The following CHCHD3 variants were observed in gnomAD, a reference collection of about 807,000 sequenced individuals.
CHCHD3 encodes the protein MICOS complex subunit MIC19.
A neutral mutation model predicts 38.2 loss-of-function variants in CHCHD3; 20 were observed. That is an observed-to-expected ratio of 0.52 (90% CI 0.37 to 0.76). The LOEUF (loss-of-function observed/expected upper bound fraction) is 0.76. CHCHD3 is among the 30% of genes least tolerant of loss of function. CHCHD3 has a pLI of 0.00. For synonymous variants in CHCHD3, 82 were observed against 100.0 expected (o/e 0.82, Z 1.07); for missense variants, 245 against 279.2 (o/e 0.88, Z 0.87).
chr7:132,937,905 A>C (rs983403508), intron 4 of CHCHD3, among the ~76,000 whole-genome samples: 1 of 152,204 alleles, frequency 6.6e-6, no homozygotes, highest in Non-Finnish European at 1.5e-5. Flanking sequence ...TTCATTTGTT[A>C]AAAGACATTT....
chr7:132,814,131 T>C (rs1807141635), intron 6 of CHCHD3, among the ~76,000 whole-genome samples: 1 of 152,180 alleles, frequency 6.6e-6, no homozygotes, highest in South Asian at 2.1e-4. Context: ...TCAAGAATAA[T>C]AAACCCACAC....
At chr7:132,823,861 G>A (rs187118049) in intron 6 of CHCHD3, among the ~76,000 whole-genome samples, 1 of 152,274 alleles carries the variant, frequency 6.6e-6, no homozygotes, top group East Asian at 1.9e-4. Context: ...TCATAGCTAG[G>A]AGTAATGAAA....
At chr7:133,075,845 G>A (rs940257104) in intron 1 of CHCHD3, among the ~76,000 whole-genome samples, 2 of 152,080 alleles carry the variant, frequency 1.3e-5, no homozygotes, top group African/African-American at 4.8e-5. Context: ...AGATCATGAG[G>A]TCAGAAGATC....
intron 3 of CHCHD3, among the ~76,000 whole-genome samples, chr7:133,011,642 C>T (rs1389002336): frequency 6.6e-6 from 1 of 152,146 alleles, no homozygotes; most frequent in Non-Finnish European, 1.5e-5. Context: ...AGCTGAGAAC[C>T]ACTGGCTTAG....
chr7:133,055,823 T>C (rs1814314013), intron 2 of CHCHD3, among the ~76,000 whole-genome samples: 2 of 151,820 alleles, frequency 1.3e-5, no homozygotes, highest in Admixed American at 1.3e-4. Context: ...TACTCACACA[T>C]ATATATTAAT....
chr7:132,867,617 CAAT>C (rs1260620999), intron 5 of CHCHD3, among the ~76,000 whole-genome samples: 25 of 152,020 alleles, frequency 1.6e-4, no homozygotes, highest in African/African-American at 5.8e-4. Context: ...GTTACTAATA[CAAT>C]AATAGAAATA....
chr7:133,015,334 C>G (rs936842072), intron 3 of CHCHD3, among the ~76,000 whole-genome samples: 1 of 137,968 alleles, frequency 7.2e-6, no homozygotes, highest in African/African-American at 2.6e-5. Flanking sequence ...CAGAGCCAGA[C>G]AACGTCTCAA....
At chr7:132,970,281 G>A (rs1203997190) in intron 4 of CHCHD3, among the ~76,000 whole-genome samples, 1 of 152,082 alleles carries the variant, frequency 6.6e-6, no homozygotes, top group Non-Finnish European at 1.5e-5. Context: ...GTCAGCTCAG[G>A]GGTCCTTTCC....
intron 4 of CHCHD3, among the ~76,000 whole-genome samples, chr7:132,891,041 G>A (rs944152166): frequency 1.3e-5 from 2 of 152,146 alleles, no homozygotes; most frequent in Non-Finnish European, 2.9e-5. Context: ...ATCAAAGGAG[G>A]CCGAACCATA....
chr7:133,049,689 T>G (rs932351738), intron 2 of CHCHD3, among the ~76,000 whole-genome samples: 3 of 152,226 alleles, frequency 2.0e-5, no homozygotes, highest in African/African-American at 7.2e-5. Flanking sequence ...AGGGCTATTC[T>G]TTTCAGGTTA....
chr7:132,950,634 A>AT (rs1047389890), intron 4 of CHCHD3, among the ~76,000 whole-genome samples: 15 of 152,128 alleles, frequency 9.9e-5, no homozygotes, highest in Admixed American at 1.3e-4. Flanking sequence ...AACTTTAAAC[A>AT]TTTTTTTACA....
intron 5 of CHCHD3, among the ~76,000 whole-genome samples, chr7:132,858,711 A>G (rs147058939): frequency 2.6e-4 from 40 of 152,342 alleles, no homozygotes; most frequent in African/African-American, 6.5e-4. Flanking sequence ...AATATTGCCC[A>G]TATCCCATCA....
chr7:132,796,609 A>G (rs777143452), intron 6 of CHCHD3, 32 bp from the exon 7 acceptor site: 3 of 1,597,950 alleles, frequency 1.9e-6, no homozygotes, highest in Non-Finnish European at 2.6e-6. Context: ...GCTGAGACCA[A>G]TGGTCTTCAT....
At chr7:132,870,824 C>T (rs1446327632) in intron 5 of CHCHD3, among the ~76,000 whole-genome samples, 2 of 152,126 alleles carry the variant, frequency 1.3e-5, no homozygotes, top group Non-Finnish European at 2.9e-5. Context: ...CCACCATTCC[C>T]TTTCCCAACC....
chr7:132,954,440 C>A (rs1015200238), intron 4 of CHCHD3, among the ~76,000 whole-genome samples: 1 of 152,128 alleles, frequency 6.6e-6, no homozygotes, highest in East Asian at 1.9e-4. Flanking sequence ...GTGGAAGAAG[C>A]TGTCAGGGCT....
At chr7:133,013,629 G>A (rs951200413) in intron 3 of CHCHD3, among the ~76,000 whole-genome samples, 13 of 151,938 alleles carry the variant, frequency 8.6e-5, no homozygotes, top group Admixed American at 3.9e-4. Context: ...TCAGATAGAC[G>A]GTCTACTTGA....
At chr7:132,908,387 TG>T (rs1809850370) in intron 4 of CHCHD3, among the ~76,000 whole-genome samples, 1 of 152,202 alleles carries the variant, frequency 6.6e-6, no homozygotes, top group Non-Finnish European at 1.5e-5. Context: ...AAAATCATGC[TG>T]GCTCTAGATA....
intron 4 of CHCHD3, among the ~76,000 whole-genome samples, chr7:132,961,831 C>T (rs1811328865): frequency 6.6e-6 from 1 of 152,224 alleles, no homozygotes; most frequent in Non-Finnish European, 1.5e-5. Flanking sequence ...TTCTTTGCTT[C>T]TGTGAGTTCA....
intron 6 of CHCHD3, among the ~76,000 whole-genome samples, chr7:132,821,829 C>A (rs1370706606): frequency 2.2e-5 from 3 of 136,194 alleles, no homozygotes; most frequent in Admixed American, 8.5e-5. Context: ...GTGGCGCAAT[C>A]TCGGCTCACT....
Sources: gnomAD v4.1 joint callset for allele counts (sites outside exome capture counted in the v4.1 genomes callset) on GRCh38, gnomAD v4.1.1 for gene constraint, MANE v1.5 for transcripts, NCBI Gene and HGNC (gene_info 2026-07-23, HGNC 2026-07-21) for gene names.